KANK1: variants seen among roughly 807,000 people sequenced by gnomAD.
KANK1 encodes the protein KN motif and ankyrin repeat domain-containing protein 1.
In KANK1, 109 loss-of-function variants were observed where a neutral mutation model predicts 106.2. That is an observed-to-expected ratio of 1.03 (90% CI 0.88 to 1.20). KANK1 has a LOEUF of 1.20. Ranked by LOEUF, KANK1 falls within the 50% of genes most tolerant of loss-of-function variation. The pLI is 0.00. For synonymous variants in KANK1, 873 were observed against 652.2 expected, an observed-to-expected ratio of 1.34 and a Z score of -5.16; for missense variants, 2,399 against 1,710.7, an observed-to-expected ratio of 1.40 and a Z score of -7.10.
Position 745,189 on chromosome 9 carries a change from G to A in KANK1, c.4013G>A (p.Gly1338Glu), listed in dbSNP as rs755315562. The A allele has an allele frequency of 1.2e-6, 2 of 1,613,940 alleles. No individual in the cohort carries two copies. Among genetic ancestry groups the A allele is most frequent in the Admixed American group, 1.7e-5 (1 of 59,996 alleles). Residue 1338 changes from glycine (G) to glutamate (E), a missense_variant, in exon 12 of 12, where the codon GGA becomes GAA. Coordinates refer to ENST00000382297, the MANE Select transcript of KANK1 (RefSeq NM_015158.5). ...KAQSPGTPRL[G>E]RKTSPGPTHR... is the part of the protein sequence containing the mutation. The stretch of plus-strand genomic sequence containing the variant: ...GGTCTCTAGGGCACCCCTAGGCTTG[G>A]AAGGAAGACGTCTCCTGGCCCCACC...
intron 1 of KANK1, among the ~76,000 whole-genome samples, chr9:536,414 C>G (rs1443369075): frequency 8.8e-6 from 1 of 114,006 alleles, no homozygotes; most frequent in East Asian, 2.4e-4. Flanking sequence ...ACAGGTCTCA[C>G]TGGAATAAAA....
chr9:688,003 G>A (rs1005310993), intron 2 of KANK1, among the ~76,000 whole-genome samples: 3 of 152,172 alleles, frequency 2.0e-5, no homozygotes, highest in Admixed American at 2.0e-4. Context: ...CCTACTTTGT[G>A]CTGGCATGAT....
intron 3 of KANK1, among the ~76,000 whole-genome samples, chr9:493,524 G>C (rs1365814548): frequency 6.7e-6 from 1 of 149,762 alleles, no homozygotes; most frequent in African/African-American, 2.5e-5. Context: ...AACATTTATA[G>C]TCTCATGCTG....
intron 7 of KANK1, 71 bp downstream of exon 7, chr9:734,906 C>T: frequency 9.2e-7 from 1 of 1,091,948 alleles, no homozygotes; most frequent in Non-Finnish European, 1.4e-6. Flanking sequence ...TCAAGGCCAG[C>T]TGTAGGCTGC....
chr9:522,054 A>G (rs1392946494), intron 1 of KANK1, among the ~76,000 whole-genome samples: 1 of 151,646 alleles, frequency 6.6e-6, no homozygotes, highest in Non-Finnish European at 1.5e-5. Flanking sequence ...ATGTTGGCAC[A>G]TTTCTTGGGA....
intron 1 of KANK1, among the ~76,000 whole-genome samples, chr9:563,504 A>T (rs1210144082): frequency 6.6e-6 from 1 of 152,234 alleles, no homozygotes; most frequent in Non-Finnish European, 1.5e-5. Flanking sequence ...AACTGAAAAT[A>T]TAAGGCTATT....
At chr9:543,849 C>G (rs1204481421) in intron 1 of KANK1, among the ~76,000 whole-genome samples, 2 of 152,148 alleles carry the variant, frequency 1.3e-5, no homozygotes, top group Non-Finnish European at 2.9e-5. Context: ...TTACCGTCTT[C>G]AAAATCTGAA....
intron 1 of KANK1, among the ~76,000 whole-genome samples, chr9:553,530 G>A (rs2061401522): frequency 6.6e-6 from 1 of 152,134 alleles, no homozygotes; most frequent in Non-Finnish European, 1.5e-5. Context: ...TCCGCACCCT[G>A]TAGTTCTGGT....
At chr9:539,377 A>G (rs1480132654) in intron 1 of KANK1, 2 of 152,184 alleles carry the variant, frequency 1.3e-5, no homozygotes, top group South Asian at 2.1e-4. Context: ...CTTCCAACCC[A>G]TGAATACAGG....
chr9:639,598 C>T (rs181439491), intron 1 of KANK1, among the ~76,000 whole-genome samples: 5 of 152,172 alleles, frequency 3.3e-5, no homozygotes, highest in East Asian at 1.9e-4. Flanking sequence ...ATTACAGGCA[C>T]GAGCCACTGC....
intron 1 of KANK1, among the ~76,000 whole-genome samples, chr9:576,355 A>G (rs368740264): frequency 2.0e-5 from 3 of 152,226 alleles, no homozygotes; most frequent in African/African-American, 7.2e-5. Flanking sequence ...AAGGCCCAGC[A>G]TAGACAACCT....
At chr9:537,336 C>G (rs540860301) in intron 1 of KANK1, among the ~76,000 whole-genome samples, 1 of 152,158 alleles carries the variant, frequency 6.6e-6, no homozygotes, top group Non-Finnish European at 1.5e-5. Context: ...GATACCAGTT[C>G]CTGTCTGACA....
At chr9:536,620 G>A (rs1015889216) in intron 1 of KANK1, among the ~76,000 whole-genome samples, 4 of 152,066 alleles carry the variant, frequency 2.6e-5, no homozygotes, top group African/African-American at 9.7e-5. Context: ...CCATCTTTCT[G>A]TCTCTGACCA....
chr9:596,562 G>A (rs1332417028), intron 1 of KANK1, among the ~76,000 whole-genome samples: 1 of 151,680 alleles, frequency 6.6e-6, no homozygotes, highest in Non-Finnish European at 1.5e-5. Flanking sequence ...CCTGGCAATA[G>A]CTCTTAGAGT....
At chr9:517,452 A>G (rs2059334126) in intron 1 of KANK1, among the ~76,000 whole-genome samples, 1 of 144,494 alleles carries the variant, frequency 6.9e-6, no homozygotes, top group African/African-American at 2.9e-5. Context: ...AGGCTAATAA[A>G]GAACACTGTT....
At chr9:718,417 A>G (rs1355025846) in intron 3 of KANK1, among the ~76,000 whole-genome samples, 1 of 148,982 alleles carries the variant, frequency 6.7e-6, no homozygotes, top group African/African-American at 2.5e-5. Context: ...AGCTCTAACC[A>G]TCCTCCCTCT....
In KANK1 at chr9:711,953, G is replaced by C; in HGVS notation, c.1187G>C (p.Gly396Ala). Residue 396 changes from glycine (G) to alanine (A), a missense_variant, in exon 3 of 12, where the codon GGA (glycine) becomes GCA (alanine). Physicochemically the swap from Gly to Ala is moderately conservative, Grantham distance 60 (BLOSUM62 0). Coordinates refer to ENST00000382297, the MANE Select transcript of KANK1 (RefSeq NM_015158.5). ...GCCTCCTCAGAGCTCAGGGAGAATG[G>C]AGAGTGCCGGTCTGTGGCTGTGGGT... ...CEASSELREN[G>A]ECRSVAVGAE... is the part of the protein sequence containing the mutation. 3 of 1,614,204 alleles carry C rather than the reference G, an allele frequency of 1.9e-6. No homozygotes were observed. Among genetic ancestry groups the C allele is most frequent in the African/African-American group, 1.3e-5 (1 of 75,044 alleles).
intron 1 of KANK1, among the ~76,000 whole-genome samples, chr9:605,292 C>T (rs895496319): frequency 8.2e-6 from 1 of 121,494 alleles, no homozygotes; most frequent in African/African-American, 3.2e-5. Context: ...CAAAGTGAGA[C>T]TCCGTCTCAA....
intron 1 of KANK1, among the ~76,000 whole-genome samples, chr9:670,819 G>C (rs1474142835): frequency 6.6e-6 from 1 of 152,084 alleles, no homozygotes; most frequent in Non-Finnish European, 1.5e-5. Flanking sequence ...CAAGTTGTGT[G>C]TCCAACTTAA....
Sources: gnomAD v4.1 joint callset for allele counts (sites outside exome capture counted in the v4.1 genomes callset) on GRCh38, gnomAD v4.1.1 for gene constraint, MANE v1.5 for transcripts, NCBI Gene and HGNC (gene_info 2026-07-23, HGNC 2026-07-21) for gene names.